The following ZBBX variants were observed in gnomAD, a reference collection of about 807,000 sequenced individuals.
ZBBX encodes zinc finger B-box domain-containing protein 1.
A neutral mutation model predicts 108.5 loss-of-function variants in ZBBX; 101 were observed. That is an observed-to-expected ratio of 0.93 (90% CI 0.79 to 1.10). The LOEUF is 1.10. ZBBX is among the 50% of genes least tolerant of loss of function. ZBBX has a pLI of 0.00. For synonymous variants in ZBBX, 356 were observed against 323.4 expected (o/e 1.10, Z -1.08); for missense variants, 1,009 against 941.4 (o/e 1.07, Z -0.94).
chr3:167,280,969 T>C (rs1208584614), intron 20 of ZBBX, among the ~76,000 whole-genome samples: 2 of 152,004 alleles, frequency 1.3e-5, no homozygotes, highest in East Asian at 1.9e-4. Flanking sequence ...ATGGATGAAA[T>C]TGGAAATCAT....
chr3:167,325,606 A>G (rs1737232592), intron 11 of ZBBX, among the ~76,000 whole-genome samples: 1 of 152,092 alleles, frequency 6.6e-6, no homozygotes, highest in South Asian at 2.1e-4. Context: ...AAATTATACT[A>G]ATCATTTGAT....
chr3:167,202,520 T>C, the ZBBX span, among the ~76,000 whole-genome samples: 1 of 152,150 alleles, frequency 6.6e-6, no homozygotes, highest in Non-Finnish European at 1.5e-5. Flanking sequence ...AGACAATATC[T>C]GAAACTAGTA....
chr3:167,219,155 G>A, the ZBBX span, among the ~76,000 whole-genome samples: 1 of 151,908 alleles, frequency 6.6e-6, no homozygotes, highest in South Asian at 2.1e-4. Context: ...GAGCTAAACA[G>A]AGAAATAGAC....
Position 167,282,346 on chromosome 3 carries a change from CAATTTCTGA to C in ZBBX, c.2137_2145del (p.Ser713_Ile715del). 6.2e-7 allele frequency: 1 copy of C among 1,614,038 alleles called. No individual in the cohort carries two copies. Among genetic ancestry groups the C allele is most frequent in the Non-Finnish European group, 8.5e-7 (1 of 1,179,972 alleles). On this transcript the variant is annotated inframe_deletion, in exon 20 of 22. Transcript: ENST00000675490. ...TTCTGGTCAGTAATATCAATATATT[CAATTTCTGA>C]AATTTCAGAAGCAGCTCTAGATGAT...
intron 20 of ZBBX, among the ~76,000 whole-genome samples, chr3:167,258,252 C>T (rs1313212823): frequency 1.3e-5 from 2 of 151,944 alleles, no homozygotes; most frequent in Admixed American, 6.6e-5. Context: ...CCTTTAAGAA[C>T]CAAAAGTAGA....
intron 18 of ZBBX, among the ~76,000 whole-genome samples, chr3:167,289,886 C>A (rs1018802101): frequency 7.9e-5 from 12 of 152,002 alleles, no homozygotes; most frequent in African/African-American, 2.7e-4. Flanking sequence ...CTGGGATGCT[C>A]GAGCTTGGTG....
chr3:167,401,899 A>G (rs1404207088), intron 1 of ZBBX, among the ~76,000 whole-genome samples: 1 of 152,134 alleles, frequency 6.6e-6, no homozygotes, highest in African/African-American at 2.4e-5. Context: ...AATAAAAATC[A>G]TATTTCCATA....
In ZBBX at chr3:167,302,857, AT is replaced by A. The variant is rs1732967318; in HGVS notation, c.1725+2785del. Among the ~76,000 whole-genome samples the A allele has an allele frequency of 2.0e-5, 3 of 152,312 alleles. No individual in the cohort carries two copies. The Middle Eastern group carries it at 0.01, about 518-fold the overall frequency. On this transcript the variant is annotated intron_variant, in intron 17 of 21. Coordinates refer to ENST00000675490, the MANE Select transcript of ZBBX (RefSeq NM_001199201.2). ...CCCTGAGCTGTGTTACAGGAGAGAA[AT>A]CCTGATCTTAGGAAATCCAATTATT...
At chr3:167,255,414 T>TTAAA (rs1723332989) in intron 20 of ZBBX, among the ~76,000 whole-genome samples, 2 of 151,978 alleles carry the variant, frequency 1.3e-5, no homozygotes, top group African/African-American at 4.8e-5. Flanking sequence ...ATGCTGGTAC[T>TTAAA]AAACATTTAA....
intron 11 of ZBBX, among the ~76,000 whole-genome samples, chr3:167,327,456 T>C (rs919538698): frequency 3.9e-5 from 6 of 152,300 alleles, no homozygotes; most frequent in African/African-American, 1.2e-4. Context: ...ATTCAGGGCC[T>C]ATAAATATTA....
At position 167,368,583 on chromosome 3, in the gene ZBBX, A is replaced by T. The variant is rs750862134; in HGVS notation, c.69-9T>A. Reference sequence around the variant, plus strand: ...GCAGTTCTTGAGCATTTCTGAAGACATAAGATTTAAATGGAGAAAGCAGAA... The same window carrying T: ...GCAGTTCTTGAGCATTTCTGAAGACTTAAGATTTAAATGGAGAAAGCAGAA... On this transcript the variant is annotated splice_polypyrimidine_tract_variant and intron_variant, in intron 4 of 21. Coordinates refer to ENST00000675490, the MANE Select transcript of ZBBX (RefSeq NM_001199201.2). 5.1e-6 allele frequency: 8 copies of T among 1,576,484 alleles called. No homozygotes were observed. The highest frequency in any genetic ancestry group is 6.0e-6 in the Non-Finnish European group (7 of 1,162,716).
intron 5 of ZBBX, chr3:167,366,982 A>G (rs1745422096): frequency 2.2e-6 from 1 of 453,162 alleles, no homozygotes; most frequent in Non-Finnish European, 4.4e-6. Flanking sequence ...TAGAGGGGGT[A>G]TGTATATAAG....
chr3:167,190,377 C>CTTTTT, the ZBBX span, among the ~76,000 whole-genome samples: 2 of 113,656 alleles, frequency 1.8e-5, no homozygotes, highest in Non-Finnish European at 1.7e-5. Context: ...AACTTACCTA[C>CTTTTT]TTTTTTTTTT....
intron 9 of ZBBX, among the ~76,000 whole-genome samples, chr3:167,346,815 G>A (rs904264173): frequency 2.0e-5 from 3 of 151,582 alleles, no homozygotes; most frequent in African/African-American, 7.3e-5. Flanking sequence ...TTATGCATAG[G>A]AAAATGATAA....
intron 20 of ZBBX, among the ~76,000 whole-genome samples, chr3:167,277,014 A>G (rs1263529269): frequency 2.0e-5 from 3 of 152,188 alleles, no homozygotes; most frequent in East Asian, 1.9e-4. Flanking sequence ...AGTGAAGGAG[A>G]AATAAAACAC....
rs1742798879 is a variant in ZBBX at position 167,352,317 on chromosome 3, C to G, written c.433-1802G>C. 2.6e-5 allele frequency among the ~76,000 whole-genome samples: 4 copies of G among 151,974 alleles called. No individual in the cohort carries two copies. In the South Asian group the frequency reaches 8.3e-4, roughly 32 times the overall value. The stretch of plus-strand genomic sequence containing the variant: ...ATAAAGGTGACATTAAAACTGATAC[C>G]ATAGAAATACAAAAGATCATCAGAG... On this transcript the variant is annotated intron_variant, in intron 8 of 21. Transcript: ENST00000675490.
At chr3:167,190,039 T>C in the ZBBX span, among the ~76,000 whole-genome samples, 1 of 152,212 alleles carries the variant, frequency 6.6e-6, no homozygotes, top group Non-Finnish European at 1.5e-5. Context: ...TGTATTTTAG[T>C]TAGAAATATG....
chr3:167,368,641 C>A (rs532258206), intron 4 of ZBBX, 67 bp from the exon 5 acceptor site: 9 of 1,381,748 alleles, frequency 6.5e-6, no homozygotes, highest in South Asian at 4.8e-5. Flanking sequence ...TTTATATAAT[C>A]TTTTCCTGTT....
At chr3:167,297,829 A>C (rs1386833062) in intron 18 of ZBBX, among the ~76,000 whole-genome samples, 1 of 151,974 alleles carries the variant, frequency 6.6e-6, no homozygotes, top group Non-Finnish European at 1.5e-5. Flanking sequence ...CTAAGCTACA[A>C]TATTGTACCA....
Sources: gnomAD v4.1 joint callset for allele counts (sites outside exome capture counted in the v4.1 genomes callset) on GRCh38, gnomAD v4.1.1 for gene constraint, MANE v1.5 for transcripts, NCBI Gene and HGNC (gene_info 2026-07-23, HGNC 2026-07-21) for gene names.